Variants in AOAH observed in about 807,000 individuals in gnomAD.
AOAH encodes acyloxyacyl hydrolase (neutrophil).
In AOAH, 64 loss-of-function variants were observed where a neutral mutation model predicts 92.2. That is an observed-to-expected ratio of 0.69 (90% CI 0.57 to 0.86). The LOEUF is 0.86. Ranked by LOEUF, AOAH falls within the 40% of genes least tolerant of loss-of-function variation. The probability of loss-of-function intolerance (pLI) is 0.00; values close to 1 mark genes in which losing one functional copy is unlikely to be tolerated. For missense variants in AOAH, 656 were observed against 694.6 expected (o/e 0.94, Z 0.62); for synonymous variants, 263 against 254.5 (o/e 1.03, Z -0.32).
intron 1 of AOAH, among the ~76,000 whole-genome samples, chr7:36,703,438 A>T (rs1380180933): frequency 6.6e-6 from 1 of 152,152 alleles, no homozygotes; most frequent in Non-Finnish European, 1.5e-5. Flanking sequence ...ATACATGTGC[A>T]GAACGCTCAG....
intron 13 of AOAH, among the ~76,000 whole-genome samples, chr7:36,563,147 CAAAAAAAAAAAAAAAAAAAAAAA>C (rs60240330): frequency 1.4e-4 from 5 of 36,052 alleles, no homozygotes; most frequent in South Asian, 1.4e-3. Context: ...AACTCCGTCT[CAAAAAAAAAAAAAAAAAAAAAAA>C]AAAAAAAAAA....
chr7:36,683,417 G>A (rs1255078385), intron 2 of AOAH, among the ~76,000 whole-genome samples: 1 of 152,154 alleles, frequency 6.6e-6, no homozygotes, highest in East Asian at 1.9e-4. Context: ...GGGAATAGGT[G>A]TTATATGTAG....
At chr7:36,590,054 G>T (rs1048756592) in intron 12 of AOAH, among the ~76,000 whole-genome samples, 4 of 152,046 alleles carry the variant, frequency 2.6e-5, no homozygotes, top group Non-Finnish European at 4.4e-5. Flanking sequence ...CTGGGCTCAA[G>T]CAATCTTCCC....
Position 36,604,335 on chromosome 7 carries a change from C to T in AOAH, c.847-9905G>A, listed in dbSNP as rs901627713. Among the ~76,000 whole-genome samples, 8 of 152,180 alleles carry T rather than the reference C, an allele frequency of 5.3e-5. No homozygotes were observed. In the East Asian group the frequency reaches 5.8e-4, roughly 11 times the overall value. The stretch of plus-strand genomic sequence containing the variant: ...GCTTTCTATTATTATTATTAATTAT[C>T]GTGAGCTTATTTGTTTATCTTCCCA... On this transcript the variant is annotated intron_variant, in intron 11 of 20. Transcript: ENST00000617537.
At chr7:36,580,533 TAA>T (rs1788856882) in intron 12 of AOAH, among the ~76,000 whole-genome samples, 1 of 152,228 alleles carries the variant, frequency 6.6e-6, no homozygotes, top group Non-Finnish European at 1.5e-5. Context: ...TTAAACTTTC[TAA>T]AAAGTTTTAT....
At position 36,621,791 on chromosome 7, in the gene AOAH, A is replaced by G. The variant is rs1345167082; in HGVS notation, c.583-11T>C. The G allele has an allele frequency of 1.4e-5, 22 of 1,614,016 alleles. No individual in the cohort carries two copies. Among genetic ancestry groups the G allele is most frequent in the Non-Finnish European group, 1.9e-5 (22 of 1,179,860 alleles). On this transcript the variant is annotated splice_polypyrimidine_tract_variant and intron_variant, in intron 7 of 20. Transcript: ENST00000617537. ...ATAGCCCCGCAGTGTCTGAAATTGAAGAGCACACACAGGAGGGGTTCAGCC... is the reference window on the plus strand; with the variant it reads ...ATAGCCCCGCAGTGTCTGAAATTGAGGAGCACACACAGGAGGGGTTCAGCC...
At chr7:36,578,998 C>T (rs1202937383) in intron 12 of AOAH, among the ~76,000 whole-genome samples, 1 of 152,086 alleles carries the variant, frequency 6.6e-6, no homozygotes, top group Non-Finnish European at 1.5e-5. Context: ...ATGGAAAAAG[C>T]AGAGCAGGAG....
intron 20 of AOAH, among the ~76,000 whole-genome samples, chr7:36,515,940 CCA>C (rs1783665175): frequency 6.8e-6 from 1 of 147,930 alleles, no homozygotes; most frequent in Non-Finnish European, 1.5e-5. Context: ...ACACACACCC[CCA>C]CATCCCACAC....
chr7:36,621,889 C>A, intron 7 of AOAH, 109 bp from the exon 8 acceptor site: 1 of 901,216 alleles, frequency 1.1e-6, no homozygotes, highest in Non-Finnish European at 1.9e-6. Flanking sequence ...GTTTTTAATT[C>A]AGATTCAATC....
intron 11 of AOAH, among the ~76,000 whole-genome samples, chr7:36,610,509 TTTA>T (rs113274816): frequency 0.032 from 3,422 of 106,770 alleles, 111 homozygotes; most frequent in East Asian, 0.11. Context: ...TTTTTTTTTT[TTTA>T]AAAAAAAAGA....
intron 4 of AOAH, among the ~76,000 whole-genome samples, chr7:36,656,683 A>C (rs1482650157): frequency 1.3e-5 from 2 of 151,756 alleles, no homozygotes; most frequent in African/African-American, 4.8e-5. Flanking sequence ...GATGTAAGTA[A>C]AGTTTGTTTA....
At chr7:36,657,796 A>G (rs1794978848) in intron 4 of AOAH, among the ~76,000 whole-genome samples, 1 of 152,232 alleles carries the variant, frequency 6.6e-6, no homozygotes, top group African/African-American at 2.4e-5. Flanking sequence ...AGACAAGGAC[A>G]TGAAATTTCA....
At chr7:36,527,564 T>G (rs1466917331) in intron 19 of AOAH, among the ~76,000 whole-genome samples, 1 of 152,148 alleles carries the variant, frequency 6.6e-6, no homozygotes, top group Admixed American at 6.5e-5. Flanking sequence ...GTGAAGGAGT[T>G]GCTTCATACA....
chr7:36,573,696 C>T (rs541811852), intron 13 of AOAH, among the ~76,000 whole-genome samples: 3 of 152,102 alleles, frequency 2.0e-5, no homozygotes, highest in East Asian at 1.9e-4. Flanking sequence ...CCAGCCTGGG[C>T]GACAGAGCGA....
chr7:36,575,209 G>A (rs903383946), intron 13 of AOAH, among the ~76,000 whole-genome samples: 2 of 152,186 alleles, frequency 1.3e-5, no homozygotes, highest in Admixed American at 1.3e-4. Context: ...TCAACTTGCA[G>A]AGGGATGAGG....
intron 12 of AOAH, among the ~76,000 whole-genome samples, chr7:36,590,535 A>G (rs1789669697): frequency 6.6e-6 from 1 of 152,222 alleles, no homozygotes. Flanking sequence ...GTTATCTATG[A>G]AGGGGATAAT....
At chr7:36,572,554 G>T (rs1788212384) in intron 13 of AOAH, among the ~76,000 whole-genome samples, 1 of 151,604 alleles carries the variant, frequency 6.6e-6, no homozygotes, top group East Asian at 1.9e-4. Context: ...AGAAAAGAAA[G>T]AAAAAACAAA....
chr7:36,580,069 A>C (rs1788825872), intron 12 of AOAH, among the ~76,000 whole-genome samples: 2 of 152,162 alleles, frequency 1.3e-5, no homozygotes, highest in African/African-American at 4.8e-5. Context: ...TTATGATGGC[A>C]GTCTTGGTGT....
intron 12 of AOAH, among the ~76,000 whole-genome samples, chr7:36,581,864 T>C (rs1305790173): frequency 1.3e-5 from 2 of 152,190 alleles, no homozygotes; most frequent in Non-Finnish European, 2.9e-5. Flanking sequence ...GTATTTCACA[T>C]AGTAAAAGAT....
Sources: gnomAD v4.1 joint callset for allele counts (sites outside exome capture counted in the v4.1 genomes callset) on GRCh38, gnomAD v4.1.1 for gene constraint, MANE v1.5 for transcripts, NCBI Gene and HGNC (gene_info 2026-07-23, HGNC 2026-07-21) for gene names.